Variants in TAF4 observed in about 807,000 individuals in gnomAD.
TAF4 encodes the protein TATA-box binding protein associated factor 4.
In TAF4, 9 loss-of-function variants were observed where a neutral mutation model predicts 90.3. That is an observed-to-expected ratio of 0.10 (90% confidence interval 0.06 to 0.17). The LOEUF is 0.17. TAF4 is among the 10% of genes least tolerant of loss of function. TAF4 has a pLI of 1.00. For missense variants in TAF4, 1,351 were observed against 1,370.7 expected (o/e 0.99, Z 0.23); for synonymous variants, 818 against 638.9 (o/e 1.28, Z -4.23).
chr20:62,059,836 A>G (rs1035450856), intron 1 of TAF4, among the ~76,000 whole-genome samples: 2 of 151,584 alleles, frequency 1.3e-5, no homozygotes, highest in Non-Finnish European at 3.0e-5. Context: ...GCCCTGTTAC[A>G]CCTCTGCTTC....
At chr20:62,063,435 C>T (rs2145527636) in intron 1 of TAF4, among the ~76,000 whole-genome samples, 1 of 152,304 alleles carries the variant, frequency 6.6e-6, no homozygotes. Flanking sequence ...GCCCAGCACC[C>T]ACCACGGCGG....
At position 62,051,410 on chromosome 20, in the gene TAF4, C is replaced by T. The variant is rs111636611; in HGVS notation, c.1360+13041G>A. 9.2e-3 allele frequency among the ~76,000 whole-genome samples: 1,406 copies of T among 152,238 alleles called. 24 individuals are homozygous for T. Among genetic ancestry groups the T allele is most frequent in the African/African-American group, 0.032 (1,337 of 41,546 alleles). On this transcript the variant is annotated intron_variant, in intron 1 of 14. Coordinates refer to ENST00000252996, the MANE Select transcript of TAF4 (RefSeq NM_003185.4). ...TCAGGCCTCCTCTCACACGATACTC[C>T]TGTCAGGCAGGGAGCCACCCAGCAA...
intron 14 of TAF4, among the ~76,000 whole-genome samples, chr20:61,993,619 T>C (rs2055645370): frequency 6.6e-6 from 1 of 152,170 alleles, no homozygotes; most frequent in Non-Finnish European, 1.5e-5. Context: ...GGTCCTGGCG[T>C]TTCTTCCTGG....
intron 1 of TAF4, among the ~76,000 whole-genome samples, chr20:62,041,082 T>C (rs1396942295): frequency 6.6e-6 from 1 of 152,108 alleles, no homozygotes; most frequent in Non-Finnish European, 1.5e-5. Context: ...AGCACACAAC[T>C]GGGGTTTCAG....
intron 1 of TAF4, among the ~76,000 whole-genome samples, chr20:62,051,757 G>A (rs2056028982): frequency 6.6e-6 from 1 of 152,178 alleles, no homozygotes; most frequent in Non-Finnish European, 1.5e-5. Context: ...GGTGGCCTGT[G>A]GCCCTCAACG....
intron 8 of TAF4, 42 bp from the exon 9 acceptor site, chr20:62,003,316 T>C (rs1161486120): frequency 4.0e-6 from 6 of 1,492,222 alleles, no homozygotes; most frequent in Non-Finnish European, 5.6e-6. Context: ...AAGGCTTTTA[T>C]TAGATCAACT....
At chr20:62,011,798 G>A (rs1158075895) in intron 3 of TAF4, among the ~76,000 whole-genome samples, 1 of 152,196 alleles carries the variant, frequency 6.6e-6, no homozygotes, top group Non-Finnish European at 1.5e-5. Context: ...CCCACTGCCT[G>A]GCTCATGGCA....
At position 62,003,289 on chromosome 20, in the gene TAF4, C is replaced by T. The variant is rs1466070022; in HGVS notation, c.2372-15G>A. On this transcript the variant is annotated splice_polypyrimidine_tract_variant and intron_variant, in intron 8 of 14. Coordinates refer to ENST00000252996, the MANE Select transcript of TAF4 (RefSeq NM_003185.4). ...CACCACAGGGACTACAAAACAAACA[C>T]ACAGTGGAAACCACACAAGGCTTTT... 1 of 1,601,560 alleles carries T rather than the reference C, an allele frequency of 6.2e-7. No homozygotes were observed. The highest frequency in any genetic ancestry group is 1.3e-5 in the African/African-American group (1 of 74,612).
intron 1 of TAF4, among the ~76,000 whole-genome samples, chr20:62,048,868 G>A (rs1371938201): frequency 1.4e-5 from 1 of 73,602 alleles, no homozygotes; most frequent in South Asian, 4.7e-4. Context: ...TGCCCACCTC[G>A]GTCACCGGGC....
chr20:61,990,761 A>G (rs1475588188), intron 14 of TAF4, among the ~76,000 whole-genome samples: 1 of 152,190 alleles, frequency 6.6e-6, no homozygotes, highest in East Asian at 1.9e-4. Context: ...AGGAAGGCAA[A>G]GCAAAGTCCA....
intron 14 of TAF4, chr20:61,980,371 C>G (rs1017382984): frequency 6.6e-6 from 1 of 152,260 alleles, no homozygotes; most frequent in East Asian, 1.9e-4. Context: ...GCGGGAGCCC[C>G]TTGGTCCGTC....
intron 14 of TAF4, among the ~76,000 whole-genome samples, chr20:61,989,512 CGG>C (rs1568923660): frequency 5.6e-5 from 8 of 143,304 alleles, no homozygotes; most frequent in Admixed American, 1.4e-4. Flanking sequence ...TGAGGGATCC[CGG>C]CACCCACAGC....
intron 1 of TAF4, among the ~76,000 whole-genome samples, chr20:62,020,028 C>T (rs80038894): frequency 1.3e-5 from 2 of 152,306 alleles, no homozygotes; most frequent in East Asian, 3.9e-4. Context: ...GGCCCTGCAC[C>T]ACCCGCCCTG....
chr20:62,053,250 C>T (rs1366297378), intron 1 of TAF4, among the ~76,000 whole-genome samples: 2 of 152,230 alleles, frequency 1.3e-5, no homozygotes, highest in Non-Finnish European at 2.9e-5. Flanking sequence ...TGCGTCTAAT[C>T]GATGGTGGGG....
intron 1 of TAF4, among the ~76,000 whole-genome samples, chr20:62,051,533 G>A (rs758438712): frequency 2.6e-5 from 4 of 151,968 alleles, no homozygotes; most frequent in African/African-American, 4.8e-5. Flanking sequence ...CCCATCCACC[G>A]TTCACTCCCA....
chr20:61,976,633 C>A (rs576983978), intron 14 of TAF4, among the ~76,000 whole-genome samples: 1 of 152,224 alleles, frequency 6.6e-6, no homozygotes, highest in Non-Finnish European at 1.5e-5. Context: ...TGGCACCCAC[C>A]CAAGGCAAAT....
intron 1 of TAF4, chr20:62,064,195 A>G (rs982141444): frequency 7.6e-6 from 3 of 394,560 alleles, no homozygotes; most frequent in African/African-American, 6.2e-5. Context: ...GAAACAGACC[A>G]GCCCCAGGCA....
chr20:62,009,103 C>T lies in TAF4; in HGVS notation c.1833G>A (p.Lys611=), dbSNP rs534896104. The T allele has an allele frequency of 8.7e-6, 14 of 1,613,898 alleles. No homozygotes were observed. The South Asian group carries it at 1.3e-4, about 15-fold the overall frequency. The change falls in exon 5 of 15, where the codon AAG becomes AAA. Residue 611 remains lysine, a synonymous_variant. Coordinates refer to ENST00000252996, the MANE Select transcript of TAF4 (RefSeq NM_003185.4). ...CATTAGCTGCTGTCTCTGTAGACTG[C>T]TTGCCAGATGAAGCCAGTTTTATTA... ...STLIKLASSG[K]QSTETAANVK... is the part of the protein sequence containing the mutation.
rs997235204 is a variant in TAF4, at chr20:61,975,498, T to C, written c.*670A>G. On this transcript the variant is annotated 3_prime_UTR_variant, in exon 15 of 15. Coordinates refer to ENST00000252996, the MANE Select transcript of TAF4 (RefSeq NM_003185.4). ...GCTTTACAAACTATAGCAAATAAAA[T>C]GCATTTGTACAGATGCTGACCACAC... 8 of 152,272 alleles carry C rather than the reference T, an allele frequency of 5.3e-5. No homozygotes were observed. The highest frequency in any genetic ancestry group is 2.1e-4 in the South Asian group (1 of 4,820). 9.4% of individuals were successfully genotyped at this position (152,272 alleles called of 1,614,324 possible).
Sources: allele counts gnomAD v4.1 joint callset (sites outside exome capture counted in the v4.1 genomes callset), GRCh38; gene constraint gnomAD v4.1.1; transcripts MANE v1.5; gene names NCBI Gene and HGNC (gene_info 2026-07-23, HGNC 2026-07-21).